Variants in RPS6KA1 observed in about 807,000 individuals in gnomAD.
RPS6KA1 encodes ribosomal protein S6 kinase alpha-1.
In RPS6KA1, 48 loss-of-function variants were observed where a neutral mutation model predicts 91.3. The observed-to-expected ratio is 0.53, with a 90% CI of 0.42 to 0.67. The LOEUF (loss-of-function observed/expected upper bound fraction) is 0.67. Among genes scored for constraint, RPS6KA1 ranks in the 30% least tolerant of loss-of-function variants. RPS6KA1 has a pLI of 0.00. For missense variants in RPS6KA1, 719 were observed against 960.5 expected, an observed-to-expected ratio of 0.75 and a Z score of 3.32; for synonymous variants, 359 against 384.7, an observed-to-expected ratio of 0.93 and a Z score of 0.78.
chr1:26,564,496 G>A (rs909061454), intron 17 of RPS6KA1, among the ~76,000 whole-genome samples: 2 of 152,144 alleles, frequency 1.3e-5, no homozygotes, highest in Admixed American at 1.3e-4. Flanking sequence ...CTGACCTTGT[G>A]ATCTGCCCGC....
At chr1:26,548,973 T>C (rs566981185) in intron 4 of RPS6KA1, among the ~76,000 whole-genome samples, 2 of 151,798 alleles carry the variant, frequency 1.3e-5, no homozygotes, top group African/African-American at 2.4e-5. Flanking sequence ...CTGCAGCTTC[T>C]ACTTGTAGCA....
At position 26,574,733 on chromosome 1, in the gene RPS6KA1, C is replaced by G; in HGVS notation, c.*532C>G. On this transcript the variant is annotated 3_prime_UTR_variant, in exon 22 of 22. Transcript: ENST00000374168. The surrounding 1 kb of genome is among the most constrained non-coding windows in gnomAD (Gnocchi z 4.3). ...TTTCCGTTCTGTTCTGCTGGGAGTT[C>G]TAGAACCACTTCCTGCTACAGGAGG... 3.3e-6 allele frequency: 1 copy of G among 303,348 alleles called. No individual in the cohort carries two copies. The highest frequency in any genetic ancestry group is 6.5e-6 in the Non-Finnish European group (1 of 153,226). 18.8% of individuals were successfully genotyped at this position (303,348 alleles called of 1,614,324 possible).
chr1:26,572,228 C>T lies in RPS6KA1; in HGVS notation c.1882C>T (p.Arg628Trp), dbSNP rs2076255509. ...TGACACACCAGAGGAAATCCTAACCCGGATCGGCAGTGGGAAGTTTACCCT... is the reference window on the plus strand; with the variant it reads ...TGACACACCAGAGGAAATCCTAACCTGGATCGGCAGTGGGAAGTTTACCCT... The part of the protein sequence containing the change: ...PSDTPEEILT[R>W]IGSGKFTLSG... The change falls in exon 20 of 22, where the codon CGG (arginine) becomes TGG (tryptophan). Residue 628 changes from arginine to tryptophan, a missense_variant. Physicochemically the swap from Arg to Trp is moderately radical, Grantham distance 101 (BLOSUM62 -3). This residue lies in a region of RPS6KA1 where 249 missense variants were observed against 323.1 expected (regional missense o/e 0.77). Coordinates refer to ENST00000374168, the MANE Select transcript of RPS6KA1 (RefSeq NM_002953.4). The T allele has an allele frequency of 1.2e-6, 2 of 1,614,000 alleles. No individual in the cohort carries two copies. Among genetic ancestry groups the T allele is most frequent in the Non-Finnish European group, 1.7e-6 (2 of 1,180,020 alleles).
intron 17 of RPS6KA1, among the ~76,000 whole-genome samples, chr1:26,566,886 GC>G (rs1424199549): frequency 6.6e-6 from 1 of 152,028 alleles, no homozygotes; most frequent in African/African-American, 2.4e-5. Context: ...CTCTTTTTTG[GC>G]TGGTCACAGG....
intron 17 of RPS6KA1, among the ~76,000 whole-genome samples, chr1:26,566,787 G>A (rs2076206284): frequency 6.6e-6 from 1 of 152,052 alleles, no homozygotes; most frequent in Non-Finnish European, 1.5e-5. Context: ...AAGTCGCCAG[G>A]CTCCCTCTGT....
chr1:26,561,480 A>C lies in RPS6KA1; in HGVS notation c.1432-25A>C. On this transcript the variant is annotated intron_variant, in intron 16 of 21. Coordinates refer to ENST00000374168, the MANE Select transcript of RPS6KA1 (RefSeq NM_002953.4). The surrounding 1 kb of genome is among the most constrained non-coding windows in gnomAD (Gnocchi z 5.7). ...GCTCAGGCCTGACACTGGGGAGAAG[A>C]GCCTGATGGTGAGGTCTTCGGCAGG... The C allele has an allele frequency of 6.2e-7, 1 of 1,613,994 alleles. No homozygotes were observed. The highest frequency in any genetic ancestry group is 2.2e-5 in the East Asian group (1 of 44,864).
Position 26,555,105 on chromosome 1 carries a change from G to T in RPS6KA1, c.757-46G>T. 6.3e-7 allele frequency: 1 copy of T among 1,588,814 alleles called. No individual in the cohort carries two copies. On this transcript the variant is annotated intron_variant, in intron 9 of 21. Transcript: ENST00000374168. The surrounding 1 kb of genome is among the most constrained non-coding windows in gnomAD (Gnocchi z 4.3). ...CTGACTGGGAGGAGGCGGGAGGTGTGTCGGAGACAGGGATCAGAGCCTGAA... is the reference window on the plus strand; with the variant it reads ...CTGACTGGGAGGAGGCGGGAGGTGTTTCGGAGACAGGGATCAGAGCCTGAA...
rs282179 is a variant in RPS6KA1 at position 26,574,244 on chromosome 1, C to T, written c.*43C>T. ...GCCACAGGGCGGTGCTAGCTTGACACAGTCAGCATGCTTCCCAGAGGGAGC... is the reference window on the plus strand; with the variant it reads ...GCCACAGGGCGGTGCTAGCTTGACATAGTCAGCATGCTTCCCAGAGGGAGC... On this transcript the variant is annotated 3_prime_UTR_variant, in exon 22 of 22. Transcript: ENST00000374168. This position sits in a 1 kb window ranked among gnomAD's most constrained non-coding sequence, Gnocchi z 4.3. 1 of 1,611,982 alleles carries T rather than the reference C, an allele frequency of 6.2e-7. No homozygotes were observed. Among genetic ancestry groups the T allele is most frequent in the East Asian group, 2.2e-5 (1 of 44,770 alleles).
chr1:26,533,433 T>C (rs2124610830), intron 1 of RPS6KA1, among the ~76,000 whole-genome samples: 1 of 152,126 alleles, frequency 6.6e-6, no homozygotes, highest in East Asian at 2.0e-4. Flanking sequence ...AGGCCACGCG[T>C]GGTGGCTCAT....
intron 17 of RPS6KA1, among the ~76,000 whole-genome samples, chr1:26,565,114 G>A (rs556100580): frequency 2.0e-5 from 3 of 152,202 alleles, no homozygotes; most frequent in Admixed American, 6.5e-5. Flanking sequence ...AGCTAGGAGT[G>A]TATGTGTCTC....
At chr1:26,536,542 C>A (rs1353246368) in intron 1 of RPS6KA1, among the ~76,000 whole-genome samples, 1 of 152,210 alleles carries the variant, frequency 6.6e-6, no homozygotes, top group Non-Finnish European at 1.5e-5. Context: ...GAAACTGAGT[C>A]CTCTCACAGT....
Position 26,571,513 on chromosome 1 carries a change from G to C in RPS6KA1, c.1655G>C (p.Cys552Ser), listed in dbSNP as rs1327553502. 2 of 1,614,196 alleles carry C rather than the reference G, an allele frequency of 1.2e-6. No individual in the cohort carries two copies. The highest frequency in any genetic ancestry group is 3.3e-5 in the Admixed American group (2 of 60,014). The change falls in exon 18 of 22, where the codon TGC becomes TCC. Residue 552 changes from cysteine to serine, a missense_variant. Around this residue, in one of 5 missense-constraint regions of RPS6KA1, gnomAD observed 249 missense variants for 323.1 expected, o/e 0.77. Transcript: ENST00000374168. This position sits in a 1 kb window ranked among gnomAD's most constrained non-coding sequence, Gnocchi z 5.1. ...GTGGACGAGTCCGGGAATCCCGAGT[G>C]CCTGCGCATCTGTGACTTTGGTTTT... is the stretch of plus-strand genomic sequence containing the variant. ...LYVDESGNPE[C>S]LRICDFGFAK...
chr1:26,561,013 C>T lies in RPS6KA1; in HGVS notation c.1342-32C>T. 1 of 1,608,002 alleles carries T rather than the reference C, an allele frequency of 6.2e-7. No homozygotes were observed. The highest frequency in any genetic ancestry group is 1.3e-5 in the African/African-American group (1 of 74,898). On this transcript the variant is annotated intron_variant, in intron 15 of 21. Transcript: ENST00000374168. This position sits in a 1 kb window ranked among gnomAD's most constrained non-coding sequence, Gnocchi z 5.7. ...AGAAAGGACCCTGGACCCTGTCACCCTGACACTGCCACATGCACCCCCTTT... is the reference window on the plus strand; with the variant it reads ...AGAAAGGACCCTGGACCCTGTCACCTTGACACTGCCACATGCACCCCCTTT...
rs573160393 is a variant in RPS6KA1, at chr1:26,554,528, G to A, written c.614-68G>A. On this transcript the variant is annotated intron_variant, in intron 8 of 21. Transcript: ENST00000374168. The surrounding 1 kb of genome is among the most constrained non-coding windows in gnomAD (Gnocchi z 4.6). ...TCTGGCCTCTGGGCACGGGGGTTGGGTGTGCAAAGGGTGGCAGCAAGGAAG... is the reference window on the plus strand; with the variant it reads ...TCTGGCCTCTGGGCACGGGGGTTGGATGTGCAAAGGGTGGCAGCAAGGAAG... 87 of 1,550,240 alleles carry A rather than the reference G, an allele frequency of 5.6e-5. 1 individual carries two copies. The African/African-American group carries it at 1.1e-3, about 19-fold the overall frequency.
rs148533220 is a variant in RPS6KA1, at chr1:26,548,953, T to G, written c.307+1683T>G. Among the ~76,000 whole-genome samples the G allele has an allele frequency of 1.2e-3, 183 of 151,858 alleles. 1 individual carries two copies. Among genetic ancestry groups the G allele is most frequent in the African/African-American group, 4.2e-3 (175 of 41,386 alleles). On this transcript the variant is annotated intron_variant, in intron 4 of 21. Coordinates refer to ENST00000374168, the MANE Select transcript of RPS6KA1 (RefSeq NM_002953.4). ...CTGTGTGCTGACATAGAAGGTGTGT[T>G]GGAAGGCAGCTGCAGCTTCTACTTG...
At chr1:26,546,003 C>A in intron 2 of RPS6KA1, 1 of 1,611,848 alleles carries the variant, frequency 6.2e-7, no homozygotes, top group South Asian at 1.1e-5. Context: ...TCTGCCTGTC[C>A]CTGGCCCTGG....
rs1444039702 is a variant in RPS6KA1 at position 26,573,286 on chromosome 1, G to A, written c.2010G>A (p.Leu670=). 6.2e-7 allele frequency: 1 copy of A among 1,614,190 alleles called. No individual in the cohort carries two copies. The highest frequency in any genetic ancestry group is 8.5e-7 in the Non-Finnish European group (1 of 1,180,012). Residue 670 remains leucine, a synonymous_variant, in exon 21 of 22, where the codon CTG becomes CTA. Transcript: ENST00000374168. ...AGCGCCTCACAGCTAAGCAGGTTCT[G>A]CAGCATCCATGGGTCACCCAGAAAG... ...PHQRLTAKQV[L]QHPWVTQKDK...
chr1:26,565,599 C>T (rs472271), intron 17 of RPS6KA1, among the ~76,000 whole-genome samples: 52,058 of 150,428 alleles, frequency 0.35, 9,854 homozygotes, highest in East Asian at 0.75. Flanking sequence ...TTGCTCTTCT[C>T]GCCCAGGCTG....
Position 26,555,282 on chromosome 1 carries a change from G to C in RPS6KA1, c.827+61G>C. On this transcript the variant is annotated intron_variant, in intron 10 of 21. Coordinates refer to ENST00000374168, the MANE Select transcript of RPS6KA1 (RefSeq NM_002953.4). The surrounding 1 kb of genome is among the most constrained non-coding windows in gnomAD (Gnocchi z 4.3). ...CTCCAAGCCCCAGCCCCAGTTTGGG[G>C]GTCAGAATATTATTACCCTGTCCCT... 6.5e-7 allele frequency: 1 copy of C among 1,538,960 alleles called. No homozygotes were observed. Among genetic ancestry groups the C allele is most frequent in the African/African-American group, 1.4e-5 (1 of 73,518 alleles).
Sources: allele counts gnomAD v4.1 joint callset (sites outside exome capture counted in the v4.1 genomes callset), GRCh38; gene constraint gnomAD v4.1.1; regional missense constraint gnomAD v4.1.1; non-coding constraint Gnocchi (gnomAD v3.1); transcripts MANE v1.5; gene names NCBI Gene and HGNC (gene_info 2026-07-23, HGNC 2026-07-21).